RAB33A: variants seen among roughly 807,000 people sequenced by gnomAD.
The protein encoded by RAB33A is RAB33A, member RAS oncogene family.
A neutral mutation model predicts 12.0 loss-of-function variants in RAB33A; 6 were observed. The observed-to-expected ratio is 0.50, with a 90% CI of 0.27 to 0.99. RAB33A has a LOEUF of 0.99. Ranked by LOEUF, RAB33A falls within the 50% of genes least tolerant of loss-of-function variation. The pLI is 0.11. For missense variants in RAB33A, 109 were observed against 192.0 expected (o/e 0.57, Z 2.55); for synonymous variants, 70 against 82.4 (o/e 0.85, Z 0.81).
the RAB33A span, among the ~76,000 whole-genome samples, chrX:130,158,704 TAAAAAAAAAAAAAA>T: frequency 2.3e-5 from 1 of 44,078 alleles, no homozygotes; most frequent in Non-Finnish European, 4.0e-5. Context: ...GCTGATGAGC[TAAAAAAAAAAAAAA>T]AAAAAAAAAA....
At chrX:130,179,082 G>A (rs1348498733) in intron 1 of RAB33A, among the ~76,000 whole-genome samples, 2 of 109,694 alleles carry the variant, frequency 1.8e-5, no homozygotes, top group Non-Finnish European at 3.8e-5. Flanking sequence ...CCTGCTTCCT[G>A]GCTCCCCTCT....
At chrX:130,163,075 C>T in the RAB33A span, among the ~76,000 whole-genome samples, 1 of 110,922 alleles carries the variant, frequency 9.0e-6, no homozygotes, top group East Asian at 2.8e-4. Flanking sequence ...GTTTGGGAGG[C>T]TGAAGCAGGT....
the RAB33A span, chrX:130,135,939 G>A: frequency 2.9e-6 from 3 of 1,046,992 alleles, no homozygotes; most frequent in Non-Finnish European, 4.0e-6. Context: ...CAAACACTCT[G>A]ACCCTATTTG....
the RAB33A span, among the ~76,000 whole-genome samples, chrX:130,123,241 G>A: frequency 8.9e-6 from 1 of 112,451 alleles, no homozygotes; most frequent in Non-Finnish European, 1.9e-5. Flanking sequence ...AGGAAGCAGA[G>A]AGCTCAGAAA....
the RAB33A span, among the ~76,000 whole-genome samples, chrX:130,141,688 C>T: frequency 2.5e-4 from 28 of 111,457 alleles, no homozygotes; most frequent in Middle Eastern, 0.018. Flanking sequence ...TATATTCCTA[C>T]GAATCACTGT....
chrX:130,172,729 C>A (rs886169355), intron 1 of RAB33A, among the ~76,000 whole-genome samples: 1 of 111,397 alleles, frequency 9.0e-6, no homozygotes. Flanking sequence ...GCTTGGGTGC[C>A]GATAGGCTGC....
At chrX:130,156,744 AACTGCATATATAAATACT>A in the RAB33A span, 1 of 678,094 alleles carries the variant, frequency 1.5e-6, no homozygotes, top group South Asian at 2.5e-5. Flanking sequence ...ATATCATCAA[AACTGCATATATAAATACT>A]ACAGACAGCT....
At chrX:130,168,234 A>G (rs1415735295), upstream of RAB33A, among the ~76,000 whole-genome samples, 11 of 98,289 alleles carry the variant, frequency 1.1e-4, no homozygotes, top group Non-Finnish European at 1.8e-4. Flanking sequence ...TTTTTTCTTG[A>G]GACGGAGTCT....
the RAB33A span, chrX:130,149,617 A>C: frequency 5.7e-6 from 5 of 870,764 alleles, no homozygotes; most frequent in Non-Finnish European, 6.8e-6. Context: ...CAGCTAGCTC[A>C]TACTGTAAGT....
At chrX:130,159,209 A>C in the RAB33A span, among the ~76,000 whole-genome samples, 4 of 111,695 alleles carry the variant, frequency 3.6e-5, no homozygotes, top group African/African-American at 1.3e-4. Flanking sequence ...TGAAAACTTG[A>C]TAGTCTTAAA....
At chrX:130,136,035 GCA>G in the RAB33A span, 1 of 1,211,513 alleles carries the variant, frequency 8.3e-7, no homozygotes, top group Non-Finnish European at 1.1e-6. Flanking sequence ...TCATGCTGTA[GCA>G]CACTTACCAC....
Position 130,183,793 on chromosome X carries a change from A to C in RAB33A, c.259-492A>C, listed in dbSNP as rs761886731. ...CTCAAGATTTTCAGTTAACAATCTT[A>C]AGAAAAACTTGACAAATCCTGAAAC... is the stretch of plus-strand genomic sequence containing the variant. On this transcript the variant is annotated intron_variant, in intron 1 of 1. Coordinates refer to ENST00000257017, the MANE Select transcript of RAB33A (RefSeq NM_004794.3). Among the ~76,000 whole-genome samples, 9 of 112,445 alleles carry C rather than the reference A, an allele frequency of 8.0e-5. No homozygotes were observed. The South Asian group carries it at 3.3e-3, about 41-fold the overall frequency.
chrX:130,168,855 C>G (rs1219039677), upstream of RAB33A, among the ~76,000 whole-genome samples: 2 of 110,706 alleles, frequency 1.8e-5, no homozygotes, highest in Non-Finnish European at 3.8e-5. Context: ...CCTGTAATCC[C>G]AGCACTTTGG....
chrX:130,139,635 C>CAG, the RAB33A span, among the ~76,000 whole-genome samples: 1 of 110,854 alleles, frequency 9.0e-6, no homozygotes, highest in Non-Finnish European at 1.9e-5. Flanking sequence ...ATCTGAGGTG[C>CAG]AGAGAGAGGA....
At chrX:130,182,177 T>TACACAC (rs1322711696) in intron 1 of RAB33A, among the ~76,000 whole-genome samples, 701 of 49,149 alleles carry the variant, frequency 0.014, 15 homozygotes, top group African/African-American at 0.055. Flanking sequence ...TATATATATA[T>TACACAC]ATATACACAT....
chrX:130,172,192 G>T lies in RAB33A; in HGVS notation c.130G>T (p.Asp44Tyr). Reference sequence around the variant, plus strand: ...CATCTTCAAAATAATCGTGATTGGGGACTCCAACGTGGGCAAGACCTGCCT... The same window carrying T: ...CATCTTCAAAATAATCGTGATTGGGTACTCCAACGTGGGCAAGACCTGCCT... ...IRIFKIIVIG[D>Y]SNVGKTCLTF... The change falls in exon 1 of 2, where the codon GAC (aspartate) becomes TAC (tyrosine). Residue 44 changes from aspartate (D) to tyrosine (Y), a missense_variant. Physicochemically the swap from Asp to Tyr is radical, Grantham distance 160. Coordinates refer to ENST00000257017, the MANE Select transcript of RAB33A (RefSeq NM_004794.3). The T allele has an allele frequency of 1.6e-6, 2 of 1,212,290 alleles. No individual in the cohort carries two copies. Among genetic ancestry groups the T allele is most frequent in the Non-Finnish European group, 2.2e-6 (2 of 895,575 alleles).
the RAB33A span, chrX:130,155,057 G>A: frequency 9.6e-7 from 1 of 1,039,631 alleles, no homozygotes; most frequent in Non-Finnish European, 1.3e-6. Context: ...GAAAGCACAT[G>A]CTGTGAATAT....
the RAB33A span, chrX:130,147,539 C>T: frequency 1.8e-5 from 22 of 1,210,588 alleles, no homozygotes; most frequent in Non-Finnish European, 2.3e-5. Flanking sequence ...GTCTTTGTGA[C>T]ATTTGGGTCA....
the RAB33A span, chrX:130,145,597 A>G: frequency 9.2e-7 from 1 of 1,084,150 alleles, no homozygotes; most frequent in Non-Finnish European, 1.3e-6. Flanking sequence ...GGAGAATATT[A>G]TAAGCATGTG....
Sources: allele counts gnomAD v4.1 joint callset (sites outside exome capture counted in the v4.1 genomes callset), GRCh38; gene constraint gnomAD v4.1.1; transcripts MANE v1.5; gene names NCBI Gene and HGNC (gene_info 2026-07-23, HGNC 2026-07-21).